The following HS3ST4 variants were observed in gnomAD, a reference collection of about 807,000 sequenced individuals.
HS3ST4 encodes the protein heparan sulfate-glucosamine 3-sulfotransferase 4.
Under a neutral mutation model 29.2 loss-of-function variants are expected in HS3ST4, and 17 were observed. The observed-to-expected ratio is 0.58, with a 90% CI of 0.40 to 0.87. The LOEUF is 0.87. Among genes scored for constraint, HS3ST4 ranks in the 40% least tolerant of loss-of-function variants. HS3ST4 has a pLI of 0.00. For synonymous variants in HS3ST4, 314 were observed against 285.7 expected, an observed-to-expected ratio of 1.10 and a Z score of -1.00; for missense variants, 627 against 634.5, an observed-to-expected ratio of 0.99 and a Z score of 0.13.
chr16:25,802,889 A>T (rs1966952149), intron 1 of HS3ST4, among the ~76,000 whole-genome samples: 1 of 149,990 alleles, frequency 6.7e-6, no homozygotes, highest in Non-Finnish European at 1.5e-5. Flanking sequence ...GTTGGATATT[A>T]TTGCCTTATA....
intron 1 of HS3ST4, among the ~76,000 whole-genome samples, chr16:25,710,769 G>T (rs1430840044): frequency 2.3e-5 from 3 of 128,762 alleles, no homozygotes; most frequent in African/African-American, 5.8e-5. Context: ...TAAGTTTTGT[G>T]ATTTCTAATT....
intron 1 of HS3ST4, among the ~76,000 whole-genome samples, chr16:25,845,979 C>T (rs1967462582): frequency 6.6e-6 from 1 of 152,102 alleles, no homozygotes; most frequent in Non-Finnish European, 1.5e-5. Flanking sequence ...TTGGAGTTGT[C>T]CCCTGCAAGG....
rs191503571 is a variant in HS3ST4, at chr16:26,068,312, C to T, written c.735-67300C>T. Among the ~76,000 whole-genome samples the T allele has an allele frequency of 2.0e-5, 3 of 152,228 alleles. No individual in the cohort carries two copies. The East Asian group carries it at 5.8e-4, about 29-fold the overall frequency. On this transcript the variant is annotated intron_variant, in intron 1 of 1. Coordinates refer to ENST00000331351, the MANE Select transcript of HS3ST4 (RefSeq NM_006040.3). ...CTAATATGCTATCAGTTGTAGGACA[C>T]AAAATTATTTTATATTTGACTGTGA...
At chr16:25,695,954 C>T (rs1196865333) in intron 1 of HS3ST4, among the ~76,000 whole-genome samples, 4 of 152,150 alleles carry the variant, frequency 2.6e-5, no homozygotes, top group Non-Finnish European at 5.9e-5. Context: ...TTGGGGTTTT[C>T]TCATATTCAA....
chr16:25,920,665 C>T (rs1461599354), intron 1 of HS3ST4, among the ~76,000 whole-genome samples: 14 of 142,706 alleles, frequency 9.8e-5, no homozygotes, highest in East Asian at 2.3e-4. Flanking sequence ...TACAGTGGTG[C>T]GGTCATGGCT....
chr16:25,750,108 C>T (rs1396419514), intron 1 of HS3ST4, among the ~76,000 whole-genome samples: 1 of 152,156 alleles, frequency 6.6e-6, no homozygotes, highest in African/African-American at 2.4e-5. Context: ...TACTGAAATC[C>T]TCTGGAGTCT....
At chr16:25,863,772 T>C (rs9938155) in intron 1 of HS3ST4, among the ~76,000 whole-genome samples, 1,656 of 152,352 alleles carry the variant, frequency 0.011, 23 homozygotes, top group African/African-American at 0.037. Context: ...AAACTTTGTG[T>C]AAAATTCCTT....
At chr16:25,870,051 A>C (rs942212567) in intron 1 of HS3ST4, among the ~76,000 whole-genome samples, 6 of 151,982 alleles carry the variant, frequency 3.9e-5, no homozygotes, top group Non-Finnish European at 8.8e-5. Flanking sequence ...CTGTTGTCTC[A>C]CTCAGCGCCA....
At chr16:26,043,840 G>A (rs375311447) in intron 1 of HS3ST4, among the ~76,000 whole-genome samples, 157 of 152,066 alleles carry the variant, frequency 1.0e-3, no homozygotes, top group African/African-American at 3.6e-3. Flanking sequence ...TGTGCCATTC[G>A]CCCTCCCAAG....
intron 1 of HS3ST4, among the ~76,000 whole-genome samples, chr16:25,952,568 T>A (rs1277750399): frequency 1.3e-5 from 2 of 152,054 alleles, no homozygotes; most frequent in Non-Finnish European, 2.9e-5. Flanking sequence ...ACCTCAGGGG[T>A]TATTGTGAGG....
At chr16:25,999,585 AG>A (rs1969187272) in intron 1 of HS3ST4, among the ~76,000 whole-genome samples, 1 of 150,688 alleles carries the variant, frequency 6.6e-6, no homozygotes, top group African/African-American at 2.4e-5. Context: ...TCTTTTTTGT[AG>A]GTCCTCAAGT....
At position 26,051,070 on chromosome 16, in the gene HS3ST4, G is replaced by A. The variant is rs537813856; in HGVS notation, c.735-84542G>A. The stretch of plus-strand genomic sequence containing the variant: ...CTCTGTGTTCATCCAGAGAGGTGTG[G>A]TGGATTAATACAGTGCAGACCCTGA... On this transcript the variant is annotated intron_variant, in intron 1 of 1. Coordinates refer to ENST00000331351, the MANE Select transcript of HS3ST4 (RefSeq NM_006040.3). Among the ~76,000 whole-genome samples the A allele has an allele frequency of 3.3e-5, 5 of 152,212 alleles. No homozygotes were observed. The South Asian group carries it at 1.0e-3, about 32-fold the overall frequency.
intron 1 of HS3ST4, among the ~76,000 whole-genome samples, chr16:26,073,662 C>T (rs770666039): frequency 2.0e-5 from 3 of 147,130 alleles, no homozygotes; most frequent in East Asian, 2.0e-4. Context: ...CGTGAGCCAC[C>T]GGTCCTGGTC....
intron 1 of HS3ST4, among the ~76,000 whole-genome samples, chr16:26,082,560 A>G (rs1022507668): frequency 6.6e-6 from 1 of 152,140 alleles, no homozygotes; most frequent in Non-Finnish European, 1.5e-5. Flanking sequence ...GGTAGACATT[A>G]CTCATGAATA....
intron 1 of HS3ST4, among the ~76,000 whole-genome samples, chr16:25,752,824 T>C (rs1330535105): frequency 6.6e-6 from 1 of 152,242 alleles, no homozygotes; most frequent in Non-Finnish European, 1.5e-5. Flanking sequence ...TCAACTGCCT[T>C]ACTTAGGAAG....
chr16:25,856,781 T>G (rs1967577863), intron 1 of HS3ST4, among the ~76,000 whole-genome samples: 1 of 152,188 alleles, frequency 6.6e-6, no homozygotes, highest in Non-Finnish European at 1.5e-5. Context: ...CCCCATGCCT[T>G]ACCTAATGCT....
In HS3ST4 at chr16:25,925,881, G is replaced by A. The variant is rs183855702; in HGVS notation, c.735-209731G>A. On this transcript the variant is annotated intron_variant, in intron 1 of 1. Coordinates refer to ENST00000331351, the MANE Select transcript of HS3ST4 (RefSeq NM_006040.3). ...CACCATCCTTTCATTCACAACTTGTGTCTCTCCTTCTACCTGCAATGTTAC... is the reference window on the plus strand; with the variant it reads ...CACCATCCTTTCATTCACAACTTGTATCTCTCCTTCTACCTGCAATGTTAC... Among the ~76,000 whole-genome samples the A allele has an allele frequency of 9.8e-4, 149 of 152,138 alleles. No individual in the cohort carries two copies. The Middle Eastern group carries it at 0.014, about 14-fold the overall frequency.
intron 1 of HS3ST4, among the ~76,000 whole-genome samples, chr16:26,004,050 T>C (rs1969235150): frequency 6.6e-6 from 1 of 152,190 alleles, no homozygotes; most frequent in Non-Finnish European, 1.5e-5. Flanking sequence ...TTCATGTGTA[T>C]TTCTACTGTT....
At chr16:25,938,853 T>C (rs1205755446) in intron 1 of HS3ST4, among the ~76,000 whole-genome samples, 2 of 152,142 alleles carry the variant, frequency 1.3e-5, no homozygotes, top group Non-Finnish European at 2.9e-5. Context: ...CTGATTTTCT[T>C]TGGAAGCACT....
Sources: gnomAD v4.1 joint callset for allele counts (sites outside exome capture counted in the v4.1 genomes callset) on GRCh38, gnomAD v4.1.1 for gene constraint, MANE v1.5 for transcripts, NCBI Gene and HGNC (gene_info 2026-07-23, HGNC 2026-07-21) for gene names.